Variants in GAB2 observed in about 807,000 individuals in gnomAD.
The protein encoded by GAB2 is GRB2-associated-binding protein 2.
In GAB2, 26 loss-of-function variants were observed where a neutral mutation model predicts 65.5. That is an observed-to-expected ratio of 0.40 (90% CI 0.29 to 0.55). The LOEUF (loss-of-function observed/expected upper bound fraction) is 0.55. Ranked by LOEUF, GAB2 falls within the 20% of genes least tolerant of loss-of-function variation. The probability of loss-of-function intolerance (pLI) is 0.53; values close to 1 mark genes in which losing one functional copy is unlikely to be tolerated. For missense variants in GAB2, 884 were observed against 875.8 expected (o/e 1.01, Z -0.12); for synonymous variants, 321 against 329.6 (o/e 0.97, Z 0.28).
chr11:78,252,052 G>T (rs1865470248), intron 2 of GAB2, among the ~76,000 whole-genome samples: 1 of 152,208 alleles, frequency 6.6e-6, no homozygotes, highest in Admixed American at 6.5e-5. Flanking sequence ...ACGTTGTGGT[G>T]GTGTTGATTT....
intron 1 of GAB2, among the ~76,000 whole-genome samples, chr11:78,384,168 G>A (rs1156619378): frequency 1.3e-5 from 2 of 152,222 alleles, no homozygotes; most frequent in Non-Finnish European, 2.9e-5. Context: ...CCAGATGGGT[G>A]TGAATGTCAC....
intron 1 of GAB2, among the ~76,000 whole-genome samples, chr11:78,394,902 A>C (rs1856876640): frequency 6.6e-6 from 1 of 152,188 alleles, no homozygotes; most frequent in Admixed American, 6.5e-5. Context: ...CACCCTCCAA[A>C]GAACTCACAA....
chr11:78,356,039 G>C (rs1225696979), intron 1 of GAB2, among the ~76,000 whole-genome samples: 1 of 152,078 alleles, frequency 6.6e-6, no homozygotes, highest in Non-Finnish European at 1.5e-5. Context: ...TGGGTGTGGT[G>C]GTGTGTGCCT....
intron 3 of GAB2, among the ~76,000 whole-genome samples, chr11:78,248,470 G>C (rs1331486234): frequency 1.3e-5 from 2 of 152,194 alleles, no homozygotes; most frequent in Non-Finnish European, 2.9e-5. Flanking sequence ...ATTTCAGTAA[G>C]ATCTTCAGGT....
intron 1 of GAB2, among the ~76,000 whole-genome samples, chr11:78,399,158 G>T (rs114343469): frequency 6.6e-6 from 1 of 152,140 alleles, no homozygotes; most frequent in Non-Finnish European, 1.5e-5. Context: ...GAATATCAGC[G>T]ACTTCTGAAA....
intron 1 of GAB2, among the ~76,000 whole-genome samples, chr11:78,355,630 T>C (rs570954203): frequency 2.1e-5 from 3 of 146,328 alleles, no homozygotes; most frequent in Non-Finnish European, 4.4e-5. Context: ...TGAGCTATGA[T>C]TGCGCCACCG....
At chr11:78,224,198 A>G (rs564592668) in intron 5 of GAB2, among the ~76,000 whole-genome samples, 1 of 152,314 alleles carries the variant, frequency 6.6e-6, no homozygotes, top group Non-Finnish European at 1.5e-5. Flanking sequence ...TGATAAATCT[A>G]GAGTATAAAA....
At chr11:78,257,216 G>A (rs1318956462) in intron 2 of GAB2, among the ~76,000 whole-genome samples, 1 of 152,168 alleles carries the variant, frequency 6.6e-6, no homozygotes, top group Non-Finnish European at 1.5e-5. Context: ...GTGATAACAT[G>A]AGCAGGAAAG....
Position 78,331,776 on chromosome 11 carries a change from G to C in GAB2, c.76-50875C>G, listed in dbSNP as rs1453134299. 2.0e-5 allele frequency among the ~76,000 whole-genome samples: 3 copies of C among 152,100 alleles called. No homozygotes were observed. In the East Asian group the frequency reaches 5.8e-4, roughly 29 times the overall value. On this transcript the variant is annotated intron_variant, in intron 1 of 9. Coordinates refer to ENST00000361507, the MANE Select transcript of GAB2 (RefSeq NM_080491.3). ...CTCAGATCAGACCAAACTCACAATAGACCAAGGGGATTGGAAAACAGAGAC... is the reference window on the plus strand; with the variant it reads ...CTCAGATCAGACCAAACTCACAATACACCAAGGGGATTGGAAAACAGAGAC...
chr11:78,299,336 A>G (rs1268498510), intron 1 of GAB2, among the ~76,000 whole-genome samples: 1 of 152,190 alleles, frequency 6.6e-6, no homozygotes, highest in African/African-American at 2.4e-5. Flanking sequence ...TGTTCCCACC[A>G]TCACTTCAAT....
intron 1 of GAB2, among the ~76,000 whole-genome samples, chr11:78,389,134 G>C (rs555119438): frequency 6.6e-6 from 1 of 152,278 alleles, no homozygotes; most frequent in African/African-American, 2.4e-5. Flanking sequence ...CATGCTCCTA[G>C]TTTCTTGGCA....
intron 1 of GAB2, chr11:78,341,797 T>C: frequency 2.0e-6 from 2 of 986,176 alleles, no homozygotes; most frequent in Non-Finnish European, 2.4e-6. Flanking sequence ...TTCCCTCACT[T>C]GTCTCTCTAT....
chr11:78,388,359 C>T (rs1354618248), intron 1 of GAB2, among the ~76,000 whole-genome samples: 2 of 148,806 alleles, frequency 1.3e-5, no homozygotes, highest in Admixed American at 6.7e-5. Context: ...CAGGGTCTCG[C>T]TCTGTTGTCT....
chr11:78,394,625 G>A (rs549708415), intron 1 of GAB2, among the ~76,000 whole-genome samples: 7 of 152,320 alleles, frequency 4.6e-5, no homozygotes, highest in African/African-American at 1.7e-4. Flanking sequence ...CACCAATCTG[G>A]ACAGAGGAAG....
chr11:78,362,704 C>T (rs1565173642), intron 1 of GAB2, among the ~76,000 whole-genome samples: 1 of 152,106 alleles, frequency 6.6e-6, no homozygotes, highest in Non-Finnish European at 1.5e-5. Flanking sequence ...AAAACATAAT[C>T]TAGCTACATA....
intron 1 of GAB2, among the ~76,000 whole-genome samples, chr11:78,367,297 GA>G (rs1480939245): frequency 1.3e-5 from 2 of 152,202 alleles, no homozygotes; most frequent in African/African-American, 4.8e-5. Flanking sequence ...TCCTGCCTTC[GA>G]AGGGCATATG....
At chr11:78,321,746 T>TA (rs548191746) in intron 1 of GAB2, among the ~76,000 whole-genome samples, 52 of 152,070 alleles carry the variant, frequency 3.4e-4, no homozygotes, top group African/African-American at 1.2e-3. Context: ...CAAACTATAC[T>TA]AAAAGGCTAT....
intron 1 of GAB2, among the ~76,000 whole-genome samples, chr11:78,341,063 C>T (rs76957725): frequency 0.026 from 4,004 of 152,248 alleles, 172 homozygotes; most frequent in African/African-American, 0.09. Context: ...AGTTCATGTG[C>T]CTGGCATTAA....
intron 1 of GAB2, among the ~76,000 whole-genome samples, chr11:78,326,457 C>A (rs1373860174): frequency 6.6e-6 from 1 of 151,832 alleles, no homozygotes; most frequent in African/African-American, 2.4e-5. Context: ...AACAGTAAAC[C>A]CTACTGAATC....
Sources: allele counts gnomAD v4.1 joint callset (sites outside exome capture counted in the v4.1 genomes callset), GRCh38; gene constraint gnomAD v4.1.1; transcripts MANE v1.5; gene names NCBI Gene and HGNC (gene_info 2026-07-23, HGNC 2026-07-21).